The following DLG2 variants were observed in gnomAD, a reference collection of about 807,000 sequenced individuals.
DLG2 encodes discs large MAGUK scaffold protein 2, also known as disks large homolog 2.
A neutral mutation model predicts 132.5 loss-of-function variants in DLG2; 45 were observed. The observed-to-expected ratio is 0.34, with a 90% confidence interval of 0.27 to 0.44. DLG2 has a LOEUF of 0.44. Among genes scored for constraint, DLG2 ranks in the 20% least tolerant of loss-of-function variants. DLG2 has a pLI of 1.00. For missense variants in DLG2, 1,045 were observed against 1,196.9 expected, an observed-to-expected ratio of 0.87 and a Z score of 1.87; for synonymous variants, 424 against 419.6, an observed-to-expected ratio of 1.01 and a Z score of -0.13.
At chr11:85,023,449 G>T (rs1384821123) in intron 6 of DLG2, among the ~76,000 whole-genome samples, 3 of 151,906 alleles carry the variant, frequency 2.0e-5, no homozygotes, top group Non-Finnish European at 4.4e-5. Flanking sequence ...AAGTCATTTT[G>T]GTGCACAATT....
At chr11:83,955,529 C>T (rs12808950) in intron 14 of DLG2, among the ~76,000 whole-genome samples, 2,860 of 152,308 alleles carry the variant, frequency 0.019, 48 homozygotes, top group Non-Finnish European at 0.029. Context: ...AACTTCTACT[C>T]CTGTTCACCC....
intron 2 of DLG2, among the ~76,000 whole-genome samples, chr11:85,604,762 A>G (rs893311428): frequency 2.0e-5 from 3 of 152,202 alleles, no homozygotes; most frequent in African/African-American, 7.2e-5. Flanking sequence ...TGAATGTTAC[A>G]TAATTAGAAC....
At chr11:84,080,944 A>T (rs573071910) in intron 10 of DLG2, among the ~76,000 whole-genome samples, 2 of 151,644 alleles carry the variant, frequency 1.3e-5, no homozygotes, top group South Asian at 2.1e-4. Context: ...GTGAGCCGAG[A>T]TCGCACCATT....
chr11:84,762,743 G>A (rs1597530323), intron 6 of DLG2, among the ~76,000 whole-genome samples: 1 of 152,102 alleles, frequency 6.6e-6, no homozygotes, highest in Non-Finnish European at 1.5e-5. Flanking sequence ...ACCAGTCAGA[G>A]AAGTAGGTGC....
At chr11:84,049,959 T>C (rs1037128565) in intron 11 of DLG2, among the ~76,000 whole-genome samples, 8 of 151,492 alleles carry the variant, frequency 5.3e-5, no homozygotes. Context: ...GGGAATGAAA[T>C]GAACAAAGGC....
intron 7 of DLG2, among the ~76,000 whole-genome samples, chr11:84,478,421 A>C (rs2099127587): frequency 6.6e-6 from 1 of 152,128 alleles, no homozygotes; most frequent in Non-Finnish European, 1.5e-5. Flanking sequence ...ATTAAAATGT[A>C]TCCATCAATT....
intron 7 of DLG2, among the ~76,000 whole-genome samples, chr11:84,481,167 A>G (rs1415580069): frequency 6.6e-6 from 1 of 152,166 alleles, no homozygotes; most frequent in Non-Finnish European, 1.5e-5. Context: ...AGTACCTGCT[A>G]TTATTAATAT....
At chr11:83,592,171 G>T (rs1159822993) in intron 19 of DLG2, among the ~76,000 whole-genome samples, 1 of 150,176 alleles carries the variant, frequency 6.7e-6, no homozygotes, top group Non-Finnish European at 1.5e-5. Context: ...CCAAAAAAGA[G>T]CCCGCATCGC....
chr11:85,545,559 A>C (rs1473255582), intron 3 of DLG2, among the ~76,000 whole-genome samples: 1 of 152,152 alleles, frequency 6.6e-6, no homozygotes, highest in Non-Finnish European at 1.5e-5. Context: ...TTTCAGAAGG[A>C]ATGGTACCAG....
At chr11:84,646,657 CT>C (rs1278459519) in intron 6 of DLG2, among the ~76,000 whole-genome samples, 5 of 149,944 alleles carry the variant, frequency 3.3e-5, no homozygotes, top group African/African-American at 1.2e-4. Flanking sequence ...GGAAGGTCAA[CT>C]TTGGTTCAAA....
At chr11:84,770,550 C>G (rs2069152474) in intron 6 of DLG2, among the ~76,000 whole-genome samples, 1 of 152,054 alleles carries the variant, frequency 6.6e-6, no homozygotes, top group Admixed American at 6.6e-5. Context: ...TAAGTGAGAG[C>G]ATGCAGTATT....
intron 6 of DLG2, among the ~76,000 whole-genome samples, chr11:84,961,043 G>C (rs894737367): frequency 3.3e-5 from 5 of 152,038 alleles, no homozygotes; most frequent in Non-Finnish European, 7.4e-5. Context: ...GTTATATATT[G>C]AAATGTAAAT....
At chr11:84,346,617 C>T (rs556359877) in intron 7 of DLG2, among the ~76,000 whole-genome samples, 4 of 152,264 alleles carry the variant, frequency 2.6e-5, no homozygotes, top group South Asian at 2.1e-4. Flanking sequence ...CTTGCTGTGT[C>T]GGCAGGCTGC....
chr11:84,050,294 A>T (rs953967961), intron 11 of DLG2, among the ~76,000 whole-genome samples: 5 of 151,680 alleles, frequency 3.3e-5, no homozygotes, highest in Non-Finnish European at 1.5e-5. Flanking sequence ...GATATCAAGA[A>T]TGTCGACAGG....
chr11:83,809,681 T>C (rs978513563), intron 17 of DLG2, among the ~76,000 whole-genome samples: 2 of 152,182 alleles, frequency 1.3e-5, no homozygotes, highest in African/African-American at 2.4e-5. Context: ...GTTTATATCA[T>C]CTGCATTGTA....
At chr11:84,368,100 A>G (rs1435500978) in intron 7 of DLG2, among the ~76,000 whole-genome samples, 1 of 152,166 alleles carries the variant, frequency 6.6e-6, no homozygotes, top group Non-Finnish European at 1.5e-5. Context: ...GTATTGTCAC[A>G]GTCTATGCAG....
chr11:84,226,746 G>A (rs2097001385), intron 8 of DLG2, among the ~76,000 whole-genome samples: 1 of 152,076 alleles, frequency 6.6e-6, no homozygotes, highest in South Asian at 2.1e-4. Flanking sequence ...TTGCCTCAGG[G>A]AGTTACAGAT....
At chr11:85,070,208 C>G (rs1190183238) in intron 6 of DLG2, among the ~76,000 whole-genome samples, 1 of 151,392 alleles carries the variant, frequency 6.6e-6, no homozygotes, top group Non-Finnish European at 1.5e-5. Flanking sequence ...ATGTAAATGA[C>G]GAGTTAATGG....
chr11:83,809,918 T>C (rs1213596768), intron 17 of DLG2, among the ~76,000 whole-genome samples: 1 of 152,182 alleles, frequency 6.6e-6, no homozygotes, highest in Non-Finnish European at 1.5e-5. Flanking sequence ...TGCTAAATAT[T>C]GCTTCTCTTC....
Sources: gnomAD v4.1 joint callset for allele counts (sites outside exome capture counted in the v4.1 genomes callset) on GRCh38, gnomAD v4.1.1 for gene constraint, MANE v1.5 for transcripts, NCBI Gene and HGNC (gene_info 2026-07-23, HGNC 2026-07-21) for gene names.